Variants in PSMD14 observed in about 807,000 individuals in gnomAD.
The protein encoded by PSMD14 is proteasome 26S subunit, non-ATPase 14.
PSMD14 carries 7 observed loss-of-function variants against 41.2 expected under a neutral mutation model. That is an observed-to-expected ratio of 0.17 (90% CI 0.10 to 0.32). The LOEUF (loss-of-function observed/expected upper bound fraction) is 0.32, where lower values mean the gene tolerates loss of function less well. PSMD14 is among the 10% of genes least tolerant of loss of function. The pLI, the probability that PSMD14 is intolerant of heterozygous loss-of-function variation, is 1.00. For synonymous variants in PSMD14, 114 were observed against 122.3 expected (o/e 0.93, Z 0.45); for missense variants, 139 against 375.6 (o/e 0.37, Z 5.21).
intron 3 of PSMD14, among the ~76,000 whole-genome samples, chr2:161,345,824 A>AT (rs1683033988): frequency 6.6e-6 from 1 of 151,758 alleles, no homozygotes; most frequent in Non-Finnish European, 1.5e-5. Context: ...AGATGGCTTT[A>AT]TTTTTTTCCC....
intron 3 of PSMD14, among the ~76,000 whole-genome samples, chr2:161,338,336 G>C (rs1036277683): frequency 1.5e-5 from 1 of 68,212 alleles, no homozygotes; most frequent in Non-Finnish European, 2.7e-5. Flanking sequence ...GGTAGGGTTA[G>C]GAGAGTTTTT....
In PSMD14 at chr2:161,340,868, G is replaced by A. The variant is rs1003024161; in HGVS notation, c.48+21995G>A. 2.2e-5 allele frequency: 36 copies of A among 1,613,702 alleles called. No individual in the cohort carries two copies. In the Admixed American group the frequency reaches 2.8e-4, roughly 13 times the overall value. On this transcript the variant is annotated intron_variant, in intron 3 of 11. Coordinates refer to ENST00000409682, the MANE Select transcript of PSMD14 (RefSeq NM_005805.6). Reference sequence around the variant, plus strand: ...GCTCCTCTTTGGTCATCATCTTCTCGTACTGGTTTCCCCTCAGCTTCCCGG... The same window carrying A: ...GCTCCTCTTTGGTCATCATCTTCTCATACTGGTTTCCCCTCAGCTTCCCGG...
At chr2:161,315,841 CTTT>C (rs34015300) in intron 1 of PSMD14, among the ~76,000 whole-genome samples, 5 of 96,744 alleles carry the variant, frequency 5.2e-5, no homozygotes, top group Admixed American at 1.1e-4. Context: ...TTATTTTATT[CTTT>C]TTTTTTTTTT....
At chr2:161,400,621 A>C (rs150420588) in intron 10 of PSMD14, among the ~76,000 whole-genome samples, 2 of 152,314 alleles carry the variant, frequency 1.3e-5, no homozygotes, top group South Asian at 2.1e-4. Context: ...TAGCATGATC[A>C]TGGTTCACTG....
intron 3 of PSMD14, among the ~76,000 whole-genome samples, chr2:161,345,802 G>A (rs1683033532): frequency 6.6e-6 from 1 of 151,828 alleles, no homozygotes; most frequent in Admixed American, 6.6e-5. Context: ...TATTTTTTCT[G>A]CTTATAATTG....
At chr2:161,365,981 T>A (rs991776096) in intron 3 of PSMD14, among the ~76,000 whole-genome samples, 1 of 152,200 alleles carries the variant, frequency 6.6e-6, no homozygotes, top group Non-Finnish European at 1.5e-5. Context: ...AATTTATTGT[T>A]GTCCTCACCT....
chr2:161,404,508 T>A (rs976659045), intron 10 of PSMD14, among the ~76,000 whole-genome samples: 2 of 152,202 alleles, frequency 1.3e-5, no homozygotes, highest in Admixed American at 6.5e-5. Flanking sequence ...TTCTCTATCA[T>A]GGCACCCTTT....
At chr2:161,387,451 T>C (rs979725938) in intron 8 of PSMD14, among the ~76,000 whole-genome samples, 33 of 151,924 alleles carry the variant, frequency 2.2e-4, no homozygotes, top group Admixed American at 1.3e-4. Context: ...AGCTTTCAAG[T>C]AGTAGGGATA....
intron 1 of PSMD14, among the ~76,000 whole-genome samples, chr2:161,313,537 A>G (rs577131227): frequency 6.6e-6 from 1 of 152,178 alleles, no homozygotes; most frequent in Non-Finnish European, 1.5e-5. Context: ...TTTAGTAGAG[A>G]CAGGGTTTTG....
chr2:161,309,350 G>C (rs1330819462), intron 1 of PSMD14, among the ~76,000 whole-genome samples: 2 of 152,132 alleles, frequency 1.3e-5, no homozygotes, highest in African/African-American at 2.4e-5. Flanking sequence ...AAATTCTCGA[G>C]AAAATAAATG....
intron 3 of PSMD14, among the ~76,000 whole-genome samples, chr2:161,327,138 C>T (rs1460280218): frequency 6.6e-6 from 1 of 152,080 alleles, no homozygotes; most frequent in Admixed American, 6.6e-5. Flanking sequence ...TTATATGATT[C>T]CACTTACATG....
intron 3 of PSMD14, among the ~76,000 whole-genome samples, chr2:161,327,382 A>G (rs531958571): frequency 6.6e-6 from 1 of 152,248 alleles, no homozygotes; most frequent in East Asian, 1.9e-4. Context: ...CAAATTTTAT[A>G]TATTTACTAC....
chr2:161,349,340 A>G (rs1313669636), intron 3 of PSMD14, among the ~76,000 whole-genome samples: 2 of 152,162 alleles, frequency 1.3e-5, no homozygotes, highest in Non-Finnish European at 2.9e-5. Context: ...TGCCTTTGGC[A>G]TTTTCATGTA....
At chr2:161,343,126 G>T (rs1682990737) in intron 3 of PSMD14, among the ~76,000 whole-genome samples, 1 of 151,992 alleles carries the variant, frequency 6.6e-6, no homozygotes, top group Non-Finnish European at 1.5e-5. Flanking sequence ...ATCAGTTCAG[G>T]TATGTTCACA....
intron 3 of PSMD14, among the ~76,000 whole-genome samples, chr2:161,352,509 G>T (rs1683133813): frequency 2.0e-5 from 3 of 152,122 alleles, no homozygotes; most frequent in African/African-American, 7.2e-5. Flanking sequence ...ATCAAGTATT[G>T]ATTTTTATAT....
At chr2:161,380,308 G>A (rs978779279) in intron 7 of PSMD14, among the ~76,000 whole-genome samples, 2 of 151,890 alleles carry the variant, frequency 1.3e-5, no homozygotes, top group African/African-American at 4.8e-5. Context: ...AAAGTTTTCT[G>A]TGAAACTTTA....
In PSMD14 at chr2:161,385,538, G is replaced by A. The variant is rs371311842; in HGVS notation, c.537G>A (p.Ser179=). ...VLGHEPRQTT[S]NLGHLNKPSI... is the part of the protein sequence containing the mutation. ...GACATGAACCAAGACAAACAACTTC[G>A]AATCTGGGTCACTTAAACAAGCCAT... The change falls in exon 8 of 12, where the codon TCG becomes TCA. Residue 179 remains serine, a synonymous_variant. Coordinates refer to ENST00000409682, the MANE Select transcript of PSMD14 (RefSeq NM_005805.6). 1.1e-5 allele frequency: 17 copies of A among 1,607,490 alleles called. No individual in the cohort carries two copies. Among genetic ancestry groups the A allele is most frequent in the African/African-American group, 1.3e-5 (1 of 74,566 alleles).
intron 3 of PSMD14, among the ~76,000 whole-genome samples, chr2:161,364,151 C>CT (rs1683326882): frequency 6.6e-6 from 1 of 152,196 alleles, no homozygotes; most frequent in South Asian, 2.1e-4. Flanking sequence ...TGGCCAGACT[C>CT]TGCTTCATTC....
chr2:161,373,584 A>G (rs1442879663), intron 7 of PSMD14, among the ~76,000 whole-genome samples: 4 of 151,916 alleles, frequency 2.6e-5, no homozygotes, highest in African/African-American at 7.2e-5. Flanking sequence ...GAATAGTATA[A>G]GAGTCTCCCT....
Sources: gnomAD v4.1 joint callset for allele counts (sites outside exome capture counted in the v4.1 genomes callset) on GRCh38, gnomAD v4.1.1 for gene constraint, MANE v1.5 for transcripts, NCBI Gene and HGNC (gene_info 2026-07-23, HGNC 2026-07-21) for gene names.